CREBBP: variants seen among roughly 807,000 people sequenced by gnomAD.
The protein encoded by CREBBP is CREB-binding protein.
In CREBBP, 19 loss-of-function variants were observed where a neutral mutation model predicts 265.0. The observed-to-expected ratio is 0.07, with a 90% CI of 0.05 to 0.11. The LOEUF is 0.11. Among genes scored for constraint, CREBBP ranks in the 10% least tolerant of loss-of-function variants. The pLI is 1.00. For synonymous variants in CREBBP, 1,457 were observed against 1,223.7 expected (o/e 1.19, Z -3.98); for missense variants, 2,525 against 3,219.0 (o/e 0.78, Z 5.22).
rs570608523 is a variant in CREBBP at position 3,736,420 on chromosome 16, A to G, written c.4561-217T>C. 242 of 744,642 alleles carry G rather than the reference A, an allele frequency of 3.2e-4. 2 individuals are homozygous for G. Among genetic ancestry groups the G allele is most frequent in the Non-Finnish European group, 4.8e-4 (213 of 446,056 alleles). 46.1% of individuals were successfully genotyped at this position (744,642 alleles called of 1,614,324 possible). On this transcript the variant is annotated intron_variant, in intron 27 of 30. Coordinates refer to ENST00000262367, the MANE Select transcript of CREBBP (RefSeq NM_004380.3). ...GTGCAACAGTGATGCACAGGCCCCAATGCCCACTGATGGAAACAGCTCCAA... is the reference window on the plus strand; with the variant it reads ...GTGCAACAGTGATGCACAGGCCCCAGTGCCCACTGATGGAAACAGCTCCAA...
chr16:3,739,121 CCAAT>C (rs1387758583), intron 25 of CREBBP, among the ~76,000 whole-genome samples: 1 of 152,176 alleles, frequency 6.6e-6, no homozygotes, highest in Non-Finnish European at 1.5e-5. Context: ...AACCCTGCTG[CCAAT>C]CAGTTAAATG....
chr16:3,746,703 T>G (rs928677826), intron 21 of CREBBP, among the ~76,000 whole-genome samples: 1 of 152,066 alleles, frequency 6.6e-6, no homozygotes, highest in Non-Finnish European at 1.5e-5. Context: ...TCCTAGCATG[T>G]GGAGAGGCTG....
chr16:3,749,594 C>G (rs759552362), intron 21 of CREBBP, 33 bp downstream of exon 21: 19 of 1,524,614 alleles, frequency 1.2e-5, no homozygotes, highest in Non-Finnish European at 1.7e-5. Flanking sequence ...CAAACCAAAA[C>G]TGAAAGTAAA....
At position 3,740,435 on chromosome 16, in the gene CREBBP, T is replaced by C. The variant is rs2151340126; in HGVS notation, c.4097A>G (p.Asp1366Gly). The change falls in exon 24 of 31, where the codon GAC (aspartate) becomes GGC (glycine). Residue 1366 changes from aspartate to glycine, a missense_variant. Physicochemically the swap from Asp to Gly is moderately conservative, Grantham distance 94. Coordinates refer to ENST00000262367, the MANE Select transcript of CREBBP (RefSeq NM_004380.3). ...EVFVRVVASS[D>G]KTVEVKPGMK... ...CCCGGGCTTGACCTCCACCGTCTTG[T>C]CTGAGCTGGCCACCACTCGGACAAA... The C allele has an allele frequency of 1.2e-6, 2 of 1,614,156 alleles. No homozygotes were observed. The highest frequency in any genetic ancestry group is 1.7e-6 in the Non-Finnish European group (2 of 1,180,036).
intron 2 of CREBBP, among the ~76,000 whole-genome samples, chr16:3,824,413 TG>T (rs1185497039): frequency 6.6e-6 from 1 of 152,248 alleles, no homozygotes; most frequent in Non-Finnish European, 1.5e-5. Flanking sequence ...GCCACCTGGC[TG>T]GGGGTTAACT....
chr16:3,809,280 C>G (rs1417045016), intron 3 of CREBBP, among the ~76,000 whole-genome samples: 1 of 151,982 alleles, frequency 6.6e-6, no homozygotes, highest in African/African-American at 2.4e-5. Flanking sequence ...CAGGTTCAAG[C>G]GATTCTCTTG....
At chr16:3,800,365 C>T (rs771173476) in intron 3 of CREBBP, among the ~76,000 whole-genome samples, 14 of 152,162 alleles carry the variant, frequency 9.2e-5, no homozygotes, top group Non-Finnish European at 2.1e-4. Context: ...GCAATTATCT[C>T]GCCTTGGCCT....
In CREBBP at chr16:3,833,632, A is replaced by ATAC. The variant is rs1303387824; in HGVS notation, c.798+16662_798+16664dup. On this transcript the variant is annotated intron_variant, in intron 2 of 30. Coordinates refer to ENST00000262367, the MANE Select transcript of CREBBP (RefSeq NM_004380.3). ...CAACATTAATACAGAAACATTTATT[A>ATAC]TACTTCTCCATACTAGCAACAAATA... 1.5e-4 allele frequency among the ~76,000 whole-genome samples: 23 copies of ATAC among 152,326 alleles called. No homozygotes were observed. The East Asian group carries it at 3.9e-3, about 26-fold the overall frequency.
intron 3 of CREBBP, among the ~76,000 whole-genome samples, chr16:3,809,592 T>C (rs927210676): frequency 6.6e-6 from 1 of 152,194 alleles, no homozygotes; most frequent in African/African-American, 2.4e-5. Flanking sequence ...TCTGGCTCTC[T>C]CTGCTTCCCA....
intron 3 of CREBBP, among the ~76,000 whole-genome samples, chr16:3,805,040 C>T (rs562830093): frequency 1.3e-5 from 2 of 152,338 alleles, no homozygotes; most frequent in African/African-American, 4.8e-5. Flanking sequence ...CAACACATCA[C>T]GTATCATTAT....
At position 3,843,458 on chromosome 16, in the gene CREBBP, G is replaced by C. The variant is rs909022649; in HGVS notation, c.798+6839C>G. ...TTTTTTTGAGTCAGAATCTCACTCT[G>C]TTGGTATGCTTGATTGTAGTGGTGT... On this transcript the variant is annotated intron_variant, in intron 2 of 30. Coordinates refer to ENST00000262367, the MANE Select transcript of CREBBP (RefSeq NM_004380.3). Among the ~76,000 whole-genome samples, 3 of 138,814 alleles carry C rather than the reference G, an allele frequency of 2.2e-5. No homozygotes were observed. The East Asian group carries it at 6.2e-4, about 29-fold the overall frequency. The allele number at this position is 138,814 out of a possible 152,430, so 91.1% of individuals were successfully genotyped here.
intron 1 of CREBBP, among the ~76,000 whole-genome samples, chr16:3,855,852 A>G (rs1027367050): frequency 3.9e-5 from 6 of 152,252 alleles, no homozygotes; most frequent in Admixed American, 1.3e-4. Flanking sequence ...AATATGTATT[A>G]AAAAGTCCTC....
intron 23 of CREBBP, chr16:3,742,358 G>C (rs763358823): frequency 6.6e-6 from 1 of 152,188 alleles, no homozygotes; most frequent in African/African-American, 2.4e-5. Flanking sequence ...CTGCAGTTAT[G>C]TCCTTGTATG....
At chr16:3,827,831 T>C (rs868030227) in intron 2 of CREBBP, among the ~76,000 whole-genome samples, 4 of 151,688 alleles carry the variant, frequency 2.6e-5, no homozygotes, top group African/African-American at 9.7e-5. Flanking sequence ...GCTGGGACTA[T>C]AGGCACGTGC....
intron 13 of CREBBP, 62 bp from the exon 14 acceptor site, chr16:3,771,048 T>C (rs2141205370): frequency 1.3e-6 from 2 of 1,594,954 alleles, no homozygotes; most frequent in East Asian, 2.2e-5. Context: ...TGATGAAACA[T>C]TTGAAAAATT....
chr16:3,849,535 T>C (rs1394374031), intron 2 of CREBBP, among the ~76,000 whole-genome samples: 2 of 140,086 alleles, frequency 1.4e-5, no homozygotes, highest in Non-Finnish European at 3.1e-5. Flanking sequence ...CTTTTTTTTT[T>C]TTTTTTTTTT....
At position 3,727,621 on chromosome 16, in the gene CREBBP, C is replaced by A. The variant is rs1596779789; in HGVS notation, c.*97G>T. On this transcript the variant is annotated 3_prime_UTR_variant, in exon 31 of 31. Transcript: ENST00000262367. Reference sequence around the variant, plus strand: ...ATCCACCCTTCCATGGCTCGGAAGTCGCAGTTCCATCTAGGAATAAAAAGA... The same window carrying A: ...ATCCACCCTTCCATGGCTCGGAAGTAGCAGTTCCATCTAGGAATAAAAAGA... 6.2e-7 allele frequency: 1 copy of A among 1,604,548 alleles called. No homozygotes were observed. The highest frequency in any genetic ancestry group is 1.1e-5 in the South Asian group (1 of 90,082).
At chr16:3,797,986 G>A (rs2053640767) in intron 3 of CREBBP, among the ~76,000 whole-genome samples, 1 of 152,050 alleles carries the variant, frequency 6.6e-6, no homozygotes, top group East Asian at 1.9e-4. Flanking sequence ...TAAAAAATTG[G>A]GCAAAGAAAA....
chr16:3,783,139 A>C (rs1218057767), intron 5 of CREBBP, among the ~76,000 whole-genome samples: 1 of 152,222 alleles, frequency 6.6e-6, no homozygotes, highest in Non-Finnish European at 1.5e-5. Context: ...AAAGTTAAAG[A>C]AAAGTCAAGT....
Sources: allele counts gnomAD v4.1 joint callset (sites outside exome capture counted in the v4.1 genomes callset), GRCh38; gene constraint gnomAD v4.1.1; transcripts MANE v1.5; gene names NCBI Gene and HGNC (gene_info 2026-07-23, HGNC 2026-07-21).